Variants in SCUBE1 observed in about 807,000 individuals in gnomAD.
The protein encoded by SCUBE1 is signal peptide, CUB domain and EGF like domain containing 1.
Under a neutral mutation model 124.4 loss-of-function variants are expected in SCUBE1, and 59 were observed. The ratio of observed to expected loss-of-function variants is 0.47; its 90% CI spans 0.38 to 0.59. SCUBE1 has a LOEUF of 0.59. SCUBE1 is among the 20% of genes least tolerant of loss of function. SCUBE1 has a pLI of 0.00. For synonymous variants in SCUBE1, 545 were observed against 550.9 expected, an observed-to-expected ratio of 0.99 and a Z score of 0.15; for missense variants, 1,150 against 1,371.2, an observed-to-expected ratio of 0.84 and a Z score of 2.55.
At chr22:43,235,764 C>A (rs529094681) in intron 7 of SCUBE1, among the ~76,000 whole-genome samples, 1 of 152,190 alleles carries the variant, frequency 6.6e-6, no homozygotes, top group Non-Finnish European at 1.5e-5. Context: ...CACTTGCCAA[C>A]GGCAAGCAGC....
In SCUBE1 at chr22:43,218,470, G is replaced by A; in HGVS notation, c.1688-12C>T. ...CGCTTCGCATGTGTCTGCAGGGGCA[G>A]GAGAGACAGAACATGAATCGCTGGC... is the stretch of plus-strand genomic sequence containing the variant. On this transcript the variant is annotated splice_polypyrimidine_tract_variant and intron_variant, in intron 14 of 21. Transcript: ENST00000360835. 6.2e-7 allele frequency: 1 copy of A among 1,607,088 alleles called. No homozygotes were observed. The highest frequency in any genetic ancestry group is 8.5e-7 in the Non-Finnish European group (1 of 1,179,132).
chr22:43,280,365 C>G (rs1924718950), intron 4 of SCUBE1, among the ~76,000 whole-genome samples: 1 of 151,028 alleles, frequency 6.6e-6, no homozygotes, highest in African/African-American at 2.4e-5. Context: ...GTCAGCTCAC[C>G]AAGTCTCTCA....
chr22:43,265,918 T>C (rs992113715), intron 4 of SCUBE1, among the ~76,000 whole-genome samples: 30 of 152,094 alleles, frequency 2.0e-4, no homozygotes, highest in African/African-American at 7.2e-4. Context: ...CTGGCCAACG[T>C]GGTAAAACCC....
Position 43,255,306 on chromosome 22 carries a change from C to T in SCUBE1, c.727+2913G>A, listed in dbSNP as rs372191572. On this transcript the variant is annotated intron_variant, in intron 6 of 21. Transcript: ENST00000360835. This position sits in a 1 kb window ranked among gnomAD's most constrained non-coding sequence, Gnocchi z 4.7. The stretch of plus-strand genomic sequence containing the variant: ...TGGAGCCCCCCGCACTCACACGACA[C>T]GCAGGACTGCACACACGTGGGCACA... 3.9e-5 allele frequency among the ~76,000 whole-genome samples: 6 copies of T among 152,168 alleles called. No individual in the cohort carries two copies. Among genetic ancestry groups the T allele is most frequent in the South Asian group, 2.1e-4 (1 of 4,826 alleles).
At chr22:43,268,102 G>T (rs1411544181) in intron 4 of SCUBE1, among the ~76,000 whole-genome samples, 2 of 152,222 alleles carry the variant, frequency 1.3e-5, no homozygotes, top group Non-Finnish European at 2.9e-5. Flanking sequence ...AGTGGCAGCT[G>T]CAGGCTGTGT....
intron 2 of SCUBE1, among the ~76,000 whole-genome samples, chr22:43,337,234 G>T (rs1196068264): frequency 1.3e-5 from 2 of 152,050 alleles, no homozygotes; most frequent in African/African-American, 4.8e-5. Context: ...CTAACTCGGG[G>T]GTCAAGCAGA....
intron 4 of SCUBE1, among the ~76,000 whole-genome samples, chr22:43,285,978 C>T (rs563543713): frequency 6.6e-6 from 1 of 152,334 alleles, no homozygotes; most frequent in African/African-American, 2.4e-5. Flanking sequence ...CCTCTCCCTC[C>T]CCTCTCCCTC....
chr22:43,291,786 A>C (rs1247753015), intron 3 of SCUBE1, among the ~76,000 whole-genome samples: 1 of 152,188 alleles, frequency 6.6e-6, no homozygotes, highest in African/African-American at 2.4e-5. Flanking sequence ...CACTGTTCTA[A>C]GCATCTTACC....
At chr22:43,220,338 A>C in intron 14 of SCUBE1, 112 bp downstream of exon 14, 2 of 1,246,250 alleles carry the variant, frequency 1.6e-6, no homozygotes, top group Non-Finnish European at 2.2e-6. Flanking sequence ...TCCCAGCCAC[A>C]GCTGTGCTCT....
At chr22:43,271,076 C>T (rs1217403775) in intron 4 of SCUBE1, among the ~76,000 whole-genome samples, 4 of 152,188 alleles carry the variant, frequency 2.6e-5, no homozygotes, top group African/African-American at 9.7e-5. Context: ...ACGCTCTCGC[C>T]CTCCTCTGAA....
intron 2 of SCUBE1, among the ~76,000 whole-genome samples, chr22:43,327,182 G>A (rs1926754549): frequency 6.6e-6 from 1 of 152,172 alleles, no homozygotes; most frequent in Non-Finnish European, 1.5e-5. Context: ...TGCCCTGAGA[G>A]CTGGGTACCA....
intron 4 of SCUBE1, among the ~76,000 whole-genome samples, chr22:43,280,744 ACCCTCCTGTCACC>A (rs1569009793): frequency 6.4e-5 from 4 of 62,692 alleles, no homozygotes; most frequent in African/African-American, 1.8e-4. Flanking sequence ...CTCCTCGGCC[ACCCTCCTGTCACC>A]TCCCTCATTG....
chr22:43,311,072 C>A (rs1601881148), intron 3 of SCUBE1, among the ~76,000 whole-genome samples: 1 of 152,224 alleles, frequency 6.6e-6, no homozygotes, highest in African/African-American at 2.4e-5. Context: ...AGCCACCAAG[C>A]CTGGCCTTGA....
chr22:43,258,696 A>G lies in SCUBE1; in HGVS notation c.611-361T>C, dbSNP rs2146707461. 6.6e-6 allele frequency among the ~76,000 whole-genome samples: 1 copy of G among 152,264 alleles called. No individual in the cohort carries two copies. ...ATAGCTGCCTGTCTTGATGGGGCAA[A>G]TGTTTGCCAATGCCAGGACATACTT... On this transcript the variant is annotated intron_variant, in intron 5 of 21. Transcript: ENST00000360835. This position sits in a 1 kb window ranked among gnomAD's most constrained non-coding sequence, Gnocchi z 5.0.
intron 3 of SCUBE1, among the ~76,000 whole-genome samples, chr22:43,313,027 T>G (rs1207436635): frequency 1.3e-5 from 2 of 152,134 alleles, no homozygotes; most frequent in East Asian, 3.9e-4. Context: ...TCACTTCCCC[T>G]CACTAGGCCT....
chr22:43,281,925 T>C (rs1924930068), intron 4 of SCUBE1: 1 of 152,512 alleles, frequency 6.6e-6, no homozygotes, highest in South Asian at 2.1e-4. Context: ...CTGGGCCCAT[T>C]GTCTCCCATA....
intron 2 of SCUBE1, among the ~76,000 whole-genome samples, chr22:43,331,842 C>A (rs1926911899): frequency 6.6e-6 from 1 of 152,154 alleles, no homozygotes; most frequent in Admixed American, 6.5e-5. Flanking sequence ...TTCTGAAAGG[C>A]CCATGCCCCA....
At chr22:43,226,909 C>T (rs1200743311) in intron 10 of SCUBE1, among the ~76,000 whole-genome samples, 2 of 152,110 alleles carry the variant, frequency 1.3e-5, no homozygotes, top group African/African-American at 4.8e-5. Flanking sequence ...GAGGCACTGC[C>T]ACATCCCCTG....
intron 4 of SCUBE1, among the ~76,000 whole-genome samples, chr22:43,271,602 T>G: frequency 6.6e-6 from 1 of 151,992 alleles, no homozygotes; most frequent in East Asian, 1.9e-4. Context: ...CGGTGCGGCC[T>G]CGGCTTCAGT....
Sources: gnomAD v4.1 joint callset for allele counts (sites outside exome capture counted in the v4.1 genomes callset) on GRCh38, gnomAD v4.1.1 for gene constraint, Gnocchi (gnomAD v3.1) non-coding constraint, MANE v1.5 for transcripts, NCBI Gene and HGNC (gene_info 2026-07-23, HGNC 2026-07-21) for gene names.